Variants in TRPM3 observed in about 807,000 individuals in gnomAD.
The protein encoded by TRPM3 is transient receptor potential cation channel subfamily M member 3.
Under a neutral mutation model 181.2 loss-of-function variants are expected in TRPM3, and 77 were observed. The ratio of observed to expected loss-of-function variants is 0.42; its 90% CI spans 0.35 to 0.51. The LOEUF (loss-of-function observed/expected upper bound fraction) is 0.51. Among genes scored for constraint, TRPM3 ranks in the 20% least tolerant of loss-of-function variants. The pLI, the probability that TRPM3 is intolerant of heterozygous loss-of-function variation, is 0.01. For synonymous variants in TRPM3, 745 were observed against 796.4 expected, an observed-to-expected ratio of 0.94 and a Z score of 1.09; for missense variants, 1,759 against 2,196.7, an observed-to-expected ratio of 0.80 and a Z score of 3.98.
intron 21 of TRPM3, 52 bp downstream of exon 21, chr9:70,598,367 C>T: frequency 1.9e-6 from 3 of 1,593,704 alleles, no homozygotes; most frequent in Non-Finnish European, 2.6e-6. Flanking sequence ...TATCTATTAT[C>T]ACCATTCCTC....
chr9:71,077,434 T>C (rs1302190959), intron 1 of TRPM3, among the ~76,000 whole-genome samples: 1 of 152,162 alleles, frequency 6.6e-6, no homozygotes, highest in Non-Finnish European at 1.5e-5. Flanking sequence ...TCAATCCCAT[T>C]TCAGGTCATC....
intron 1 of TRPM3, among the ~76,000 whole-genome samples, chr9:71,030,082 C>T (rs935194269): frequency 6.6e-6 from 1 of 152,138 alleles, no homozygotes; most frequent in African/African-American, 2.4e-5. Flanking sequence ...TATACACAGA[C>T]AAATATTAAT....
At chr9:71,256,470 T>A (rs1313358207) in intron 1 of TRPM3, among the ~76,000 whole-genome samples, 2 of 151,984 alleles carry the variant, frequency 1.3e-5, no homozygotes, top group Non-Finnish European at 2.9e-5. Flanking sequence ...ACCAAAAATT[T>A]AATAAAATGT....
chr9:71,170,887 T>C (rs920236554), intron 1 of TRPM3, among the ~76,000 whole-genome samples: 6 of 152,182 alleles, frequency 3.9e-5, no homozygotes, highest in African/African-American at 1.4e-4. Flanking sequence ...CCTTAAACTC[T>C]GACCACTGGT....
intron 1 of TRPM3, among the ~76,000 whole-genome samples, chr9:71,263,923 G>T (rs1307456822): frequency 6.6e-6 from 1 of 152,122 alleles, no homozygotes; most frequent in African/African-American, 2.4e-5. Context: ...GGGACCACAG[G>T]TGCATGCTAC....
chr9:70,880,441 T>G (rs1167992759), intron 1 of TRPM3, among the ~76,000 whole-genome samples: 3 of 152,112 alleles, frequency 2.0e-5, no homozygotes, highest in African/African-American at 7.2e-5. Flanking sequence ...ATTTCTTAGG[T>G]AGTTTTTAAA....
intron 1 of TRPM3, among the ~76,000 whole-genome samples, chr9:71,327,927 T>A (rs1229628080): frequency 6.6e-6 from 1 of 152,130 alleles, no homozygotes; most frequent in Non-Finnish European, 1.5e-5. Context: ...AGAATAGCAG[T>A]CCTCCAAGCG....
intron 1 of TRPM3, among the ~76,000 whole-genome samples, chr9:71,111,545 A>G (rs1587313862): frequency 1.3e-5 from 2 of 152,300 alleles, no homozygotes; most frequent in South Asian, 4.1e-4. Context: ...CTTACAAAGC[A>G]CAGGACAGAT....
intron 1 of TRPM3, among the ~76,000 whole-genome samples, chr9:71,236,339 T>C (rs551045010): frequency 3.3e-5 from 5 of 152,196 alleles, no homozygotes; most frequent in Admixed American, 2.0e-4. Flanking sequence ...TACTGTTTCT[T>C]TTAATTCTAA....
At chr9:71,391,378 CTCTT>C (rs140793499) in intron 1 of TRPM3, among the ~76,000 whole-genome samples, 3,062 of 152,126 alleles carry the variant, frequency 0.02, 40 homozygotes, top group Middle Eastern at 0.065. Context: ...CTGTCTACTT[CTCTT>C]TCTTTCTATG....
chr9:70,740,747 T>C (rs1185789999), intron 8 of TRPM3, among the ~76,000 whole-genome samples: 9 of 152,178 alleles, frequency 5.9e-5, no homozygotes, highest in Non-Finnish European at 1.3e-4. Context: ...GATGATGGGA[T>C]AATTGGCAAT....
At chr9:70,888,316 G>A (rs1228519848) in intron 1 of TRPM3, among the ~76,000 whole-genome samples, 2 of 151,134 alleles carry the variant, frequency 1.3e-5, no homozygotes, top group East Asian at 1.9e-4. Flanking sequence ...TTTCTTGTTG[G>A]ATTAATGGGA....
At chr9:70,630,376 G>A (rs2065587139) in intron 12 of TRPM3, among the ~76,000 whole-genome samples, 1 of 152,218 alleles carries the variant, frequency 6.6e-6, no homozygotes, top group Non-Finnish European at 1.5e-5. Flanking sequence ...GAGCTTCCAA[G>A]GTTGATGTAG....
At chr9:71,352,210 T>C (rs952117894) in intron 1 of TRPM3, among the ~76,000 whole-genome samples, 5 of 152,208 alleles carry the variant, frequency 3.3e-5, no homozygotes, top group Admixed American at 6.5e-5. Flanking sequence ...ATAGTGTATA[T>C]ACAAATGTTC....
intron 1 of TRPM3, among the ~76,000 whole-genome samples, chr9:70,921,430 G>C (rs1304824212): frequency 6.6e-6 from 1 of 152,204 alleles, no homozygotes; most frequent in Admixed American, 6.5e-5. Context: ...TTCACAAAGA[G>C]GAAAGCTACA....
At chr9:70,602,790 A>T (rs562382484) in intron 20 of TRPM3, among the ~76,000 whole-genome samples, 1 of 152,240 alleles carries the variant, frequency 6.6e-6, no homozygotes, top group South Asian at 2.1e-4. Context: ...GAAAAGAGGG[A>T]CCCTGCACTC....
chr9:71,446,794 G>A, exon 1 of TRPM3: 2 of 1,549,672 alleles, frequency 1.3e-6, no homozygotes, highest in Non-Finnish European at 1.7e-6. Flanking sequence ...GGTCGGAGCA[G>A]CCCCGCTCCA....
chr9:70,635,083 T>A, intron 12 of TRPM3, 128 bp downstream of exon 12: 4 of 663,690 alleles, frequency 6.0e-6, no homozygotes, highest in Non-Finnish European at 1.0e-5. Context: ...ACACACACAC[T>A]GTTCTGAAAT....
At chr9:70,793,532 C>G (rs1564321962) in intron 6 of TRPM3, 1 of 427,240 alleles carries the variant, frequency 2.3e-6, no homozygotes, top group African/African-American at 2.1e-5. Context: ...CACATATAAA[C>G]ATACATACAT....
Sources: allele counts gnomAD v4.1 joint callset (sites outside exome capture counted in the v4.1 genomes callset), GRCh38; gene constraint gnomAD v4.1.1; transcripts MANE v1.5; gene names NCBI Gene and HGNC (gene_info 2026-07-23, HGNC 2026-07-21).